Variants in EMSY observed in about 807,000 individuals in gnomAD.
EMSY encodes EMSY transcriptional repressor, BRCA2 interacting, also known as BRCA2-interacting transcriptional repressor EMSY.
Under a neutral mutation model 134.6 loss-of-function variants are expected in EMSY, and 26 were observed. The observed-to-expected ratio is 0.19, with a 90% CI of 0.14 to 0.27. The LOEUF is 0.27. Ranked by LOEUF, EMSY falls within the 10% of genes least tolerant of loss-of-function variation. The probability of loss-of-function intolerance (pLI) is 1.00; values close to 1 mark genes in which losing one functional copy is unlikely to be tolerated. For missense variants in EMSY, 1,305 were observed against 1,611.4 expected (o/e 0.81, Z 3.26); for synonymous variants, 579 against 577.8 (o/e 1.00, Z -0.03).
intron 6 of EMSY, among the ~76,000 whole-genome samples, chr11:76,461,213 G>A (rs1193265235): frequency 6.6e-6 from 1 of 152,080 alleles, no homozygotes; most frequent in Non-Finnish European, 1.5e-5. Flanking sequence ...TGTTTTTCCT[G>A]TCAACTGGAG....
At chr11:76,546,331 CA>C in intron 20 of EMSY, 34 bp downstream of exon 21, 1 of 1,577,268 alleles carries the variant, frequency 6.3e-7, no homozygotes, top group Non-Finnish European at 8.6e-7. Context: ...AAATCTTGTG[CA>C]TCTTGGGGGT....
rs147038461 is a variant in EMSY, at chr11:76,462,191, A to G, written c.572-1630A>G. On this transcript the variant is annotated intron_variant, in intron 6 of 20. Transcript: ENST00000334736. ...GAGACGGAGGTTGTGGTGAGCTGAG[A>G]TCGCACCACTGCACTCCAGCCTGGG... 3.5e-4 allele frequency among the ~76,000 whole-genome samples: 53 copies of G among 152,096 alleles called. No homozygotes were observed. In the East Asian group the frequency reaches 8.7e-3, roughly 25 times the overall value.
chr11:76,459,937 G>A, exon 6 of EMSY: 1 of 1,613,960 alleles, frequency 6.2e-7, no homozygotes, highest in Non-Finnish European at 8.5e-7. Context: ...CTTCAGTAGT[G>A]GTTTGCTATT....
chr11:76,455,103 A>G (rs558806860), intron 4 of EMSY, among the ~76,000 whole-genome samples: 2 of 152,158 alleles, frequency 1.3e-5, no homozygotes, highest in African/African-American at 2.4e-5. Context: ...TTTGGATAAT[A>G]TATGAGTTTC....
chr11:76,476,450 C>A (rs1024262219), intron 8 of EMSY, among the ~76,000 whole-genome samples: 1 of 152,056 alleles, frequency 6.6e-6, no homozygotes, highest in Non-Finnish European at 1.5e-5. Context: ...TTATTGCTTA[C>A]CCTGAGGTAC....
intron 8 of EMSY, among the ~76,000 whole-genome samples, chr11:76,475,295 T>G (rs1948732797): frequency 6.6e-6 from 1 of 152,218 alleles, no homozygotes; most frequent in South Asian, 2.1e-4. Flanking sequence ...GAAAGATTAC[T>G]GTTTTTCTAA....
intron 13 of EMSY, among the ~76,000 whole-genome samples, chr11:76,527,166 T>G (rs764756907): frequency 2.6e-5 from 4 of 152,166 alleles, no homozygotes; most frequent in Non-Finnish European, 5.9e-5. Context: ...GGCTACTGTT[T>G]ATTTTGTAGG....
chr11:76,500,013 G>A (rs1949798720), intron 9 of EMSY, among the ~76,000 whole-genome samples: 1 of 150,508 alleles, frequency 6.6e-6, no homozygotes, highest in African/African-American at 2.4e-5. Flanking sequence ...GAAGTTTGAG[G>A]TTGCAGTGAG....
intron 17 of EMSY, among the ~76,000 whole-genome samples, chr11:76,541,235 TAAAC>T (rs1951428371): frequency 6.6e-6 from 1 of 152,104 alleles, no homozygotes; most frequent in South Asian, 2.1e-4. Flanking sequence ...CCAAAATAAA[TAAAC>T]AAATGAATAA....
At chr11:76,533,871 T>C (rs1006293846) in intron 14 of EMSY, among the ~76,000 whole-genome samples, 1 of 152,142 alleles carries the variant, frequency 6.6e-6, no homozygotes, top group African/African-American at 2.4e-5. Flanking sequence ...TTCCATGACT[T>C]GATAGACAGT....
chr11:76,503,338 G>C (rs1949953159), intron 9 of EMSY, among the ~76,000 whole-genome samples: 1 of 147,930 alleles, frequency 6.8e-6, no homozygotes, highest in South Asian at 2.1e-4. Flanking sequence ...AAGAAGGAGA[G>C]GACTCAAATG....
chr11:76,460,142 C>A (rs1160498627), intron 6 of EMSY, 57 bp downstream of exon 7: 8 of 1,580,938 alleles, frequency 5.1e-6, no homozygotes, highest in Non-Finnish European at 6.9e-6. Flanking sequence ...GCAGTCTAGG[C>A]TCTGATTAGA....
chr11:76,446,830 T>C lies in EMSY; in HGVS notation c.-39-70T>C, dbSNP rs1056467793. The C allele has an allele frequency of 2.7e-5, 25 of 936,914 alleles. No individual in the cohort carries two copies. The Admixed American group carries it at 4.1e-4, about 15-fold the overall frequency. The allele number at this position is 936,914 out of a possible 1,614,324, so 58.0% of individuals were successfully genotyped here. A position where few individuals can be genotyped will look rare whatever the true frequency, so the allele number is the denominator to read the frequency against. On this transcript the variant is annotated intron_variant, in intron 1 of 20. Coordinates refer to ENST00000334736, the Ensembl canonical transcript of EMSY. ...TTACTTCTTAGCCTGTGACTGGATC[T>C]CCAGGTGAGTGGCCCCTTGAATGTA...
intron 10 of EMSY, 30 bp from the exon 12 acceptor site, chr11:76,516,112 G>A (rs894705637): frequency 1.3e-6 from 2 of 1,579,990 alleles, no homozygotes; most frequent in Middle Eastern, 3.3e-4. Context: ...GCAATGACAA[G>A]TTTTTCTTTT....
intron 13 of EMSY, 56 bp downstream of exon 14, chr11:76,526,691 A>G: frequency 3.5e-6 from 5 of 1,442,720 alleles, no homozygotes; most frequent in Non-Finnish European, 4.7e-6. Context: ...CAATTCTTAT[A>G]ATTCCCGGGT....
chr11:76,550,360 GA>G (rs11433055), exon 21 of EMSY: 11 of 326,074 alleles, frequency 3.4e-5, no homozygotes, highest in East Asian at 5.0e-5. Flanking sequence ...AAATGAAAAA[GA>G]AAAAAAAAGC....
At chr11:76,516,373 C>T in intron 11 of EMSY, 61 bp downstream of exon 12, 6 of 1,205,242 alleles carry the variant, frequency 5.0e-6, no homozygotes, top group Non-Finnish European at 6.8e-6. Context: ...AAAAAAAAAA[C>T]TTACTTCATT....
chr11:76,460,937 C>G (rs1439289559), intron 6 of EMSY: 7 of 151,976 alleles, frequency 4.6e-5, no homozygotes, highest in Non-Finnish European at 1.0e-4. Context: ...TTGCAGTGAG[C>G]CGAGATTGCG....
chr11:76,524,130 C>T (rs766547897), intron 12 of EMSY, among the ~76,000 whole-genome samples: 30 of 152,230 alleles, frequency 2.0e-4, no homozygotes, highest in Middle Eastern at 3.4e-3. Flanking sequence ...TTAGACAAAA[C>T]AGGGCTTTGT....
Sources: allele counts gnomAD v4.1 joint callset (sites outside exome capture counted in the v4.1 genomes callset), GRCh38; gene constraint gnomAD v4.1.1; transcripts MANE v1.5; gene names NCBI Gene and HGNC (gene_info 2026-07-23, HGNC 2026-07-21).